The following METTL16 variants were observed in gnomAD, a reference collection of about 807,000 sequenced individuals.
METTL16 encodes the protein RNA N(6)-adenosine-methyltransferase METTL16.
Under a neutral mutation model 57.9 loss-of-function variants are expected in METTL16, and 19 were observed. The observed-to-expected ratio is 0.33, with a 90% CI of 0.23 to 0.48. The LOEUF (loss-of-function observed/expected upper bound fraction) is 0.48, where lower values mean the gene tolerates loss of function less well. Among genes scored for constraint, METTL16 ranks in the 20% least tolerant of loss-of-function variants. The probability of loss-of-function intolerance (pLI) is 0.99; values close to 1 mark genes in which losing one functional copy is unlikely to be tolerated. For missense variants in METTL16, 434 were observed against 691.5 expected, an observed-to-expected ratio of 0.63 and a Z score of 4.18; for synonymous variants, 246 against 255.6, an observed-to-expected ratio of 0.96 and a Z score of 0.36.
chr17:2,449,329 G>A (rs2067051228), intron 6 of METTL16, among the ~76,000 whole-genome samples: 1 of 152,014 alleles, frequency 6.6e-6, no homozygotes, highest in Non-Finnish European at 1.5e-5. Context: ...TTGATAAACT[G>A]ATGCTAAAAT....
At chr17:2,490,068 T>A (rs2067375104) in intron 2 of METTL16, among the ~76,000 whole-genome samples, 1 of 152,176 alleles carries the variant, frequency 6.6e-6, no homozygotes, top group Non-Finnish European at 1.5e-5. Flanking sequence ...ACATTCTGAT[T>A]GCATTCTTGT....
intron 2 of METTL16, among the ~76,000 whole-genome samples, chr17:2,494,448 A>G (rs935785550): frequency 6.6e-6 from 1 of 152,160 alleles, no homozygotes; most frequent in African/African-American, 2.4e-5. Context: ...TATTGGTGCC[A>G]TTTTTCTAAT....
chr17:2,467,893 G>T lies in METTL16; in HGVS notation c.470-17C>A. ...CTTTCACCACTAGGAGAAAAAACAGGACTGTGAACTAATATTAATGTTGCA... is the reference window on the plus strand; with the variant it reads ...CTTTCACCACTAGGAGAAAAAACAGTACTGTGAACTAATATTAATGTTGCA... On this transcript the variant is annotated splice_polypyrimidine_tract_variant and intron_variant, in intron 4 of 9. Transcript: ENST00000263092. 6.5e-7 allele frequency: 1 copy of T among 1,530,140 alleles called. No individual in the cohort carries two copies. The highest frequency in any genetic ancestry group is 9.1e-7 in the Non-Finnish European group (1 of 1,103,740). The allele number at this position is 1,530,140 out of a possible 1,614,324, so 94.8% of individuals were successfully genotyped here.
At chr17:2,432,577 A>T (rs903284822) in intron 8 of METTL16, among the ~76,000 whole-genome samples, 1 of 152,180 alleles carries the variant, frequency 6.6e-6, no homozygotes, top group Non-Finnish European at 1.5e-5. Flanking sequence ...AAAATAAAAA[A>T]AAAAATTAAG....
chr17:2,451,666 T>G (rs2151556964), intron 6 of METTL16, among the ~76,000 whole-genome samples: 1 of 150,532 alleles, frequency 6.6e-6, no homozygotes, highest in African/African-American at 2.4e-5. Flanking sequence ...TATAAATGGA[T>G]TCATTAACCA....
At chr17:2,450,077 A>G (rs1300811518) in intron 6 of METTL16, among the ~76,000 whole-genome samples, 2 of 152,248 alleles carry the variant, frequency 1.3e-5, no homozygotes, top group Non-Finnish European at 2.9e-5. Context: ...GCTTCTTAAT[A>G]AAGTTAAACA....
chr17:2,437,644 T>C (rs945941057), intron 8 of METTL16, among the ~76,000 whole-genome samples: 13 of 152,242 alleles, frequency 8.5e-5, no homozygotes, highest in African/African-American at 3.1e-4. Flanking sequence ...CTCCGCCTCC[T>C]GGGTTCAAGC....
Position 2,462,478 on chromosome 17 carries a change from C to T in METTL16, c.728+1730G>A, listed in dbSNP as rs1296249924. On this transcript the variant is annotated intron_variant, in intron 6 of 9. Transcript: ENST00000263092. Reference sequence around the variant, plus strand: ...GCGATACGGTTTGGATTTGTGTCCCCGCCCAAATCTCATGTCAAACTGTAA... The same window carrying T: ...GCGATACGGTTTGGATTTGTGTCCCTGCCCAAATCTCATGTCAAACTGTAA... Among the ~76,000 whole-genome samples the T allele has an allele frequency of 4.6e-5, 7 of 152,142 alleles. No individual in the cohort carries two copies. In the South Asian group the frequency reaches 6.2e-4, roughly 14 times the overall value.
At chr17:2,482,304 ACAT>A (rs2067313109) in intron 2 of METTL16, among the ~76,000 whole-genome samples, 1 of 152,242 alleles carries the variant, frequency 6.6e-6, no homozygotes, top group Non-Finnish European at 1.5e-5. Context: ...GACCTGCTAT[ACAT>A]CATTTCATTC....
chr17:2,462,089 C>T (rs1055915116), intron 6 of METTL16, among the ~76,000 whole-genome samples: 1 of 152,128 alleles, frequency 6.6e-6, no homozygotes, highest in Non-Finnish European at 1.5e-5. Context: ...GTACAAGCAA[C>T]CTAAGTATCT....
chr17:2,461,576 C>CTT lies in METTL16; in HGVS notation c.728+2630_728+2631dup, dbSNP rs568432589. On this transcript the variant is annotated intron_variant, in intron 6 of 9. Coordinates refer to ENST00000263092, the MANE Select transcript of METTL16 (RefSeq NM_024086.4). ...TTCATTTCTGAGGATGTTCTCCTGT[C>CTT]TTTTTTTTTTTTTTTTTTCAGATGG... Among the ~76,000 whole-genome samples the CTT allele has an allele frequency of 2.4e-3, 294 of 123,966 alleles. 2 individuals are homozygous for CTT. The highest frequency in any genetic ancestry group is 7.2e-3 in the African/African-American group (236 of 32,594). The allele number at this position is 123,966 out of a possible 152,430, so 81.3% of individuals were successfully genotyped here.
chr17:2,421,519 G>T (rs1000602046), intron 8 of METTL16, among the ~76,000 whole-genome samples: 4 of 152,160 alleles, frequency 2.6e-5, no homozygotes, highest in South Asian at 2.1e-4. Context: ...CAGCCGCACC[G>T]CACTGCCTTT....
At chr17:2,453,857 C>T (rs995208971) in intron 6 of METTL16, among the ~76,000 whole-genome samples, 4 of 152,052 alleles carry the variant, frequency 2.6e-5, no homozygotes, top group Non-Finnish European at 5.9e-5. Context: ...GGTATTTCAA[C>T]CTCATACACT....
chr17:2,478,660 T>C (rs1016674301), intron 2 of METTL16, among the ~76,000 whole-genome samples: 1 of 152,168 alleles, frequency 6.6e-6, no homozygotes, highest in Non-Finnish European at 1.5e-5. Flanking sequence ...TTTCCAACGT[T>C]AGCCTGAGGC....
chr17:2,483,547 T>C (rs570081063), intron 2 of METTL16, among the ~76,000 whole-genome samples: 2 of 152,332 alleles, frequency 1.3e-5, no homozygotes, highest in East Asian at 3.9e-4. Context: ...TGTATTAATT[T>C]TGTCATTTAT....
At chr17:2,422,141 G>A (rs1280185040) in intron 8 of METTL16, among the ~76,000 whole-genome samples, 2 of 151,708 alleles carry the variant, frequency 1.3e-5, no homozygotes, top group East Asian at 2.0e-4. Flanking sequence ...GTGAAACCCC[G>A]TCTCTACCAA....
In METTL16 at chr17:2,477,772, A is replaced by AAGGG; in HGVS notation, c.238_241dup (p.Leu81SerfsTer20). The AAGGG allele has an allele frequency of 6.2e-7, 1 of 1,613,054 alleles. No homozygotes were observed. Among genetic ancestry groups the AAGGG allele is most frequent in the Non-Finnish European group, 8.5e-7 (1 of 1,178,986 alleles). ...TACCCAGTGAATATAGTTGAGTCTCAAGGGAACTGTGGGAATTAGTCTCTC... is the reference window on the plus strand; with the variant it reads ...TACCCAGTGAATATAGTTGAGTCTCAAGGGAGGGAACTGTGGGAATTAGTCTCTC... On this transcript the variant is annotated frameshift_variant, in exon 3 of 10. Transcript: ENST00000263092. LOFTEE classifies it high-confidence loss of function.
chr17:2,464,376 GA>G, intron 5 of METTL16, 26 bp from the exon 6 acceptor site: 2 of 1,577,362 alleles, frequency 1.3e-6, no homozygotes, highest in Admixed American at 2.0e-5. Context: ...AAACCCTGGT[GA>G]AAAATGTGTA....
At chr17:2,429,815 C>CT (rs1234072129) in intron 8 of METTL16, among the ~76,000 whole-genome samples, 89 of 147,128 alleles carry the variant, frequency 6.0e-4, no homozygotes, top group Admixed American at 1.4e-3. Flanking sequence ...GCTGCTGCTT[C>CT]TTTTTTTTTT....
Sources: allele counts gnomAD v4.1 joint callset (sites outside exome capture counted in the v4.1 genomes callset), GRCh38; gene constraint gnomAD v4.1.1; transcripts MANE v1.5; gene names NCBI Gene and HGNC (gene_info 2026-07-23, HGNC 2026-07-21).